Variants in PPP1R13B observed in about 807,000 individuals in gnomAD.
PPP1R13B encodes the protein apoptosis-stimulating of p53 protein 1.
A neutral mutation model predicts 119.8 loss-of-function variants in PPP1R13B; 44 were observed. That is an observed-to-expected ratio of 0.37 (90% confidence interval 0.29 to 0.47). PPP1R13B has a LOEUF of 0.47. PPP1R13B is among the 20% of genes least tolerant of loss of function. PPP1R13B has a pLI of 0.99. For synonymous variants in PPP1R13B, 542 were observed against 561.5 expected (o/e 0.97, Z 0.49); for missense variants, 1,227 against 1,413.5 (o/e 0.87, Z 2.12).
chr14:103,830,261 AATTTTTAT>A (rs899173398), intron 1 of PPP1R13B, among the ~76,000 whole-genome samples: 1 of 151,524 alleles, frequency 6.6e-6, no homozygotes, highest in African/African-American at 2.4e-5. Context: ...ATGCCCGGCT[AATTTTTAT>A]ATTTTTAGTA....
chr14:103,796,709 C>T (rs1364931224), intron 2 of PPP1R13B, among the ~76,000 whole-genome samples: 1 of 152,152 alleles, frequency 6.6e-6, no homozygotes, highest in African/African-American at 2.4e-5. Flanking sequence ...GTAATCCAAG[C>T]ACTTTGGGAG....
intron 4 of PPP1R13B, among the ~76,000 whole-genome samples, chr14:103,770,431 C>A (rs901261225): frequency 4.6e-5 from 7 of 152,076 alleles, no homozygotes; most frequent in African/African-American, 1.4e-4. Flanking sequence ...AGGAGAATTA[C>A]TTGAACCTGG....
chr14:103,820,052 C>T (rs2086370490), intron 1 of PPP1R13B, among the ~76,000 whole-genome samples: 1 of 152,132 alleles, frequency 6.6e-6, no homozygotes, highest in Non-Finnish European at 1.5e-5. Context: ...TAGTCCTCTA[C>T]CTGCCAACGG....
At chr14:103,754,037 G>A in intron 6 of PPP1R13B, 33 bp downstream of exon 6, 1 of 1,604,752 alleles carries the variant, frequency 6.2e-7, no homozygotes, top group Non-Finnish European at 8.5e-7. Flanking sequence ...GGCCTGGTGA[G>A]AGTGGTGTCG....
intron 1 of PPP1R13B, chr14:103,846,625 G>A (rs2087042325): frequency 2.4e-6 from 1 of 409,518 alleles, no homozygotes; most frequent in South Asian, 1.8e-5. Flanking sequence ...ATAGGTAAAG[G>A]GAAGGGTCGG....
Position 103,784,583 on chromosome 14 carries a change from CAA to C in PPP1R13B, c.277+210_277+211del, listed in dbSNP as rs546875688. Among the ~76,000 whole-genome samples, 213 of 60,374 alleles carry C rather than the reference CAA, an allele frequency of 3.5e-3. 2 individuals carry two copies. Among genetic ancestry groups the C allele is most frequent in the African/African-American group, 0.01 (160 of 15,430 alleles). The allele number at this position is 60,374 out of a possible 152,430, so 39.6% of individuals were successfully genotyped here. A position where few individuals can be genotyped will look rare whatever the true frequency, so the allele number is the denominator to read the frequency against. On this transcript the variant is annotated intron_variant, in intron 3 of 16. Coordinates refer to ENST00000202556, the MANE Select transcript of PPP1R13B (RefSeq NM_015316.3). ...GGGCGACAGAGTGAGACTCTGTCTC[CAA>C]AAAAAAAAAAAAAAAAAAAAAAAAA...
intron 11 of PPP1R13B, 147 bp downstream of exon 11, chr14:103,741,643 C>G: frequency 4.7e-6 from 5 of 1,071,576 alleles, no homozygotes; most frequent in Non-Finnish European, 6.6e-6. Flanking sequence ...CCTTCTCACA[C>G]TGACACCCAA....
chr14:103,740,384 T>C lies in PPP1R13B; in HGVS notation c.2032A>G (p.Ile678Val), dbSNP rs748717066. Residue 678 changes from isoleucine (I) to valine (V), a missense_variant, in exon 12 of 17, where the codon ATC (isoleucine) becomes GTC (valine). Ile to Val is a conservative substitution (Grantham distance 29, BLOSUM62 3). Coordinates refer to ENST00000202556, the MANE Select transcript of PPP1R13B (RefSeq NM_015316.3). The surrounding 1 kb of genome is among the most constrained non-coding windows in gnomAD (Gnocchi z 4.6). ...RPLSPTKLTPIVHSPLRYQSD... is the reference protein window; with the variant it reads ...RPLSPTKLTPVVHSPLRYQSD... ...TGGTAGCGCAGTGGCGAATGCACGA[T>C]GGGCGTGAGCTTGGTGGGGCTGAGT... is the stretch of plus-strand genomic sequence containing the variant. 2.5e-6 allele frequency: 4 copies of C among 1,571,272 alleles called. No homozygotes were observed. Among genetic ancestry groups the C allele is most frequent in the East Asian group, 2.3e-5 (1 of 44,312 alleles).
chr14:103,742,295 A>G lies in PPP1R13B; in HGVS notation c.1321-4T>C, dbSNP rs200529187. 223 of 1,538,954 alleles carry G rather than the reference A, an allele frequency of 1.4e-4. No homozygotes were observed. In the East Asian group the frequency reaches 5.0e-3, roughly 35 times the overall value. ...GCACTTTACCAATCTCGATGCCCTA[A>G]GTTTAGGTGTTAAGAAGAAAAACAA... On this transcript the variant is annotated splice_region_variant and splice_polypyrimidine_tract_variant and intron_variant, in intron 10 of 16. Transcript: ENST00000202556. The surrounding 1 kb of genome is among the most constrained non-coding windows in gnomAD (Gnocchi z 4.9).
intron 3 of PPP1R13B, among the ~76,000 whole-genome samples, chr14:103,780,490 A>G (rs1227440608): frequency 7.3e-6 from 1 of 136,228 alleles, no homozygotes; most frequent in East Asian, 2.2e-4. Flanking sequence ...TGTCTCAAAA[A>G]AAAAAAAAAA....
At chr14:103,736,328 C>A (rs186835392) in intron 15 of PPP1R13B, 126 bp from the exon 16 acceptor site, 2 of 980,848 alleles carry the variant, frequency 2.0e-6, no homozygotes, top group Non-Finnish European at 3.1e-6. Context: ...CAGAGGCCAG[C>A]GAGGGAGATG....
At chr14:103,758,778 G>A (rs924364241) in intron 4 of PPP1R13B, among the ~76,000 whole-genome samples, 13 of 152,144 alleles carry the variant, frequency 8.5e-5, no homozygotes, top group Admixed American at 4.6e-4. Flanking sequence ...AAGCTCCCAC[G>A]TTCTACTTCT....
chr14:103,740,515 C>A lies in PPP1R13B; in HGVS notation c.1901G>T (p.Gly634Val). The A allele has an allele frequency of 6.3e-7, 1 of 1,597,542 alleles. No homozygotes were observed. The highest frequency in any genetic ancestry group is 1.1e-5 in the South Asian group (1 of 90,042). The change falls in exon 12 of 17, where the codon GGC becomes GTC. Residue 634 changes from glycine to valine, a missense_variant. Transcript: ENST00000202556. This position sits in a 1 kb window ranked among gnomAD's most constrained non-coding sequence, Gnocchi z 4.6. ...LPFLHGSLST[G>V]TPQPQPPSES... is the part of the protein sequence containing the mutation. ...TGAAGGTGGCTGAGGCTGTGGTGTG[C>A]CCGTGGACAGTGACCCGTGAAGAAA...
rs1046701714 is a variant in PPP1R13B at position 103,763,033 on chromosome 14, A to C, written c.355-5282T>G. ...CAAGGTTTAGTGCAAGCAATAATAG[A>C]GAACTTCAAAAACTACCATCCTTAA... On this transcript the variant is annotated intron_variant, in intron 4 of 16. Transcript: ENST00000202556. The C allele has an allele frequency of 2.7e-6, 4 of 1,461,958 alleles. No individual in the cohort carries two copies. The African/African-American group carries it at 5.6e-5, about 20-fold the overall frequency. The allele number at this position is 1,461,958 out of a possible 1,614,324, so 90.6% of individuals were successfully genotyped here.
intron 2 of PPP1R13B, among the ~76,000 whole-genome samples, chr14:103,792,559 G>T (rs1239091059): frequency 6.6e-6 from 1 of 151,956 alleles, no homozygotes; most frequent in African/African-American, 2.4e-5. Context: ...TTTTAAAGTA[G>T]AAAAAACACA....
rs569019017 is a variant in PPP1R13B at position 103,774,414 on chromosome 14, G to T, written c.354+4331C>A. 3.9e-5 allele frequency among the ~76,000 whole-genome samples: 6 copies of T among 152,286 alleles called. No homozygotes were observed. The South Asian group carries it at 1.2e-3, about 32-fold the overall frequency. On this transcript the variant is annotated intron_variant, in intron 4 of 16. Coordinates refer to ENST00000202556, the MANE Select transcript of PPP1R13B (RefSeq NM_015316.3). Reference sequence around the variant, plus strand: ...AGAACTCTATGCTTAGTCCTGAGTGGTCCTAGCAAACCACGGAACCTGGGG... The same window carrying T: ...AGAACTCTATGCTTAGTCCTGAGTGTTCCTAGCAAACCACGGAACCTGGGG...
intron 4 of PPP1R13B, among the ~76,000 whole-genome samples, chr14:103,773,889 A>G (rs186842477): frequency 5.1e-4 from 78 of 152,316 alleles, no homozygotes; most frequent in African/African-American, 1.9e-3. Context: ...TTGAAATGTT[A>G]TCTGGCCTAG....
rs563472364 is a variant in PPP1R13B at position 103,847,555 on chromosome 14, T to C, written c.-248A>G. ...CGCCGCCTCAACCTCAGCCTCAGCC[T>C]CAGCCCCAGCCCGACAGCCTGCGGC... On this transcript the variant is annotated 5_prime_UTR_variant, in exon 1 of 17. Coordinates refer to ENST00000202556, the MANE Select transcript of PPP1R13B (RefSeq NM_015316.3). 658 of 985,246 alleles carry C rather than the reference T, an allele frequency of 6.7e-4. 4 individuals are homozygous for C. In the African/African-American group the frequency reaches 0.011, roughly 16 times the overall value. 61.0% of individuals were successfully genotyped at this position (985,246 alleles called of 1,614,324 possible).
At chr14:103,827,205 A>G (rs924335105) in intron 1 of PPP1R13B, among the ~76,000 whole-genome samples, 16 of 151,766 alleles carry the variant, frequency 1.1e-4, no homozygotes, top group Admixed American at 1.1e-3. Flanking sequence ...GTGTGGTGGC[A>G]CGCACCTGTA....
Sources: allele counts gnomAD v4.1 joint callset (sites outside exome capture counted in the v4.1 genomes callset), GRCh38; gene constraint gnomAD v4.1.1; non-coding constraint Gnocchi (gnomAD v3.1); transcripts MANE v1.5; gene names NCBI Gene and HGNC (gene_info 2026-07-23, HGNC 2026-07-21).